Variants in AGMO observed in about 807,000 individuals in gnomAD.
The protein encoded by AGMO is glyceryl-ether monooxygenase.
In AGMO, 75 loss-of-function variants were observed where a neutral mutation model predicts 60.2. That is an observed-to-expected ratio of 1.25 (90% CI 1.03 to 1.51). AGMO has a LOEUF of 1.51. Ranked by LOEUF, AGMO falls within the 40% of genes most tolerant of loss-of-function variation. The pLI is 0.00. For missense variants in AGMO, 763 were observed against 525.5 expected (o/e 1.45, Z -4.42); for synonymous variants, 261 against 177.1 (o/e 1.47, Z -3.76).
rs546945094 is a variant in AGMO at position 15,451,185 on chromosome 7, G to A, written c.410-20077C>T. On this transcript the variant is annotated intron_variant, in intron 3 of 12. Coordinates refer to ENST00000342526, the MANE Select transcript of AGMO (RefSeq NM_001004320.2). ...GGAAGCAAACAATTTTATAGAGAGAGGTATATAGATACATATTTGTCAGTG... is the reference window on the plus strand; with the variant it reads ...GGAAGCAAACAATTTTATAGAGAGAAGTATATAGATACATATTTGTCAGTG... Among the ~76,000 whole-genome samples the A allele has an allele frequency of 1.2e-3, 182 of 152,016 alleles. 7 individuals carry two copies. The South Asian group carries it at 0.032, about 27-fold the overall frequency.
chr7:15,490,156 G>C (rs1412571244), intron 3 of AGMO, among the ~76,000 whole-genome samples: 2 of 152,104 alleles, frequency 1.3e-5, no homozygotes, highest in Non-Finnish European at 2.9e-5. Flanking sequence ...TGTGTTGTAA[G>C]CATTAAAGAT....
intron 5 of AGMO, among the ~76,000 whole-genome samples, chr7:15,415,623 C>A (rs895925531): frequency 6.6e-6 from 1 of 152,038 alleles, no homozygotes; most frequent in African/African-American, 2.4e-5. Context: ...CATTTCTCTA[C>A]TCAAGCATTA....
the AGMO span, among the ~76,000 whole-genome samples, chr7:15,153,954 T>C: frequency 1.3e-5 from 2 of 152,122 alleles, no homozygotes; most frequent in African/African-American, 4.8e-5. Context: ...ATTTTCACAA[T>C]ATTGATTCTA....
intron 12 of AGMO, among the ~76,000 whole-genome samples, chr7:15,306,873 C>T (rs1048911688): frequency 2.0e-5 from 3 of 151,836 alleles, no homozygotes; most frequent in African/African-American, 7.3e-5. Flanking sequence ...AAGTTATAAT[C>T]ATAACAGAGG....
At chr7:15,234,866 G>C (rs1782371016) in intron 12 of AGMO, among the ~76,000 whole-genome samples, 1 of 152,030 alleles carries the variant, frequency 6.6e-6, no homozygotes, top group South Asian at 2.1e-4. Flanking sequence ...TTCTTGGCTT[G>C]TGTGCAGTAC....
At chr7:15,335,954 A>G (rs1656216423) in intron 12 of AGMO, among the ~76,000 whole-genome samples, 2 of 152,258 alleles carry the variant, frequency 1.3e-5, no homozygotes, top group South Asian at 2.1e-4. Context: ...TAACTTTGTA[A>G]TATATCTCCA....
the AGMO span, among the ~76,000 whole-genome samples, chr7:15,149,039 T>C: frequency 6.6e-6 from 1 of 152,234 alleles, no homozygotes; most frequent in Non-Finnish European, 1.5e-5. Flanking sequence ...AGTATCTTAT[T>C]GTGATTTTGA....
chr7:15,531,476 CTCTATATATATTCTATATATAT>C (rs68035854), intron 3 of AGMO, among the ~76,000 whole-genome samples: 2 of 31,180 alleles, frequency 6.4e-5, no homozygotes. Context: ...TATATATATT[CTCTATATATATTCTATATATAT>C]TCTATATATA....
At chr7:15,314,416 T>C (rs1327265362) in intron 12 of AGMO, among the ~76,000 whole-genome samples, 1 of 152,138 alleles carries the variant, frequency 6.6e-6, no homozygotes, top group Non-Finnish European at 1.5e-5. Context: ...ATCCTTGGTA[T>C]ATATGTATGC....
chr7:15,353,795 C>G (rs527557798), intron 12 of AGMO, among the ~76,000 whole-genome samples: 1 of 152,142 alleles, frequency 6.6e-6, no homozygotes, highest in African/African-American at 2.4e-5. Flanking sequence ...TGTTGGATGC[C>G]TGTGTTGGTA....
At chr7:15,514,214 T>C (rs1256814281) in intron 3 of AGMO, among the ~76,000 whole-genome samples, 1 of 152,164 alleles carries the variant, frequency 6.6e-6, no homozygotes, top group East Asian at 1.9e-4. Flanking sequence ...AATCTACTTA[T>C]TGTGCTCTTT....
At chr7:15,452,005 T>C (rs903322427) in intron 3 of AGMO, among the ~76,000 whole-genome samples, 9 of 152,196 alleles carry the variant, frequency 5.9e-5, no homozygotes, top group African/African-American at 2.2e-4. Context: ...TACTCCTAAG[T>C]TAGGTTTTCA....
chr7:15,393,564 A>C (rs147840359), intron 6 of AGMO, among the ~76,000 whole-genome samples: 1 of 152,214 alleles, frequency 6.6e-6, no homozygotes, highest in Non-Finnish European at 1.5e-5. Flanking sequence ...TACACAATGT[A>C]AACATTTTTG....
At chr7:15,545,570 T>C (rs974737122) in intron 2 of AGMO, among the ~76,000 whole-genome samples, 1 of 152,058 alleles carries the variant, frequency 6.6e-6, no homozygotes, top group African/African-American at 2.4e-5. Flanking sequence ...ATAAGTAATA[T>C]AAACTAGGGT....
intron 12 of AGMO, among the ~76,000 whole-genome samples, chr7:15,275,117 G>T (rs764108335): frequency 6.6e-6 from 1 of 151,908 alleles, no homozygotes; most frequent in Admixed American, 6.6e-5. Context: ...TGATTTCACA[G>T]TTTCTGGAGG....
chr7:15,367,714 A>G (rs1783040709), intron 10 of AGMO, among the ~76,000 whole-genome samples: 1 of 152,096 alleles, frequency 6.6e-6, no homozygotes, highest in Non-Finnish European at 1.5e-5. Context: ...AAAGTATTGG[A>G]CACAGTTCCT....
intron 12 of AGMO, among the ~76,000 whole-genome samples, chr7:15,231,842 T>A (rs2094774546): frequency 6.6e-6 from 1 of 152,196 alleles, no homozygotes; most frequent in South Asian, 2.1e-4. Context: ...TGCAGCTTTG[T>A]GGCTCAGGTA....
chr7:15,390,460 TTTG>T (rs1195373522), intron 8 of AGMO, among the ~76,000 whole-genome samples: 1 of 152,212 alleles, frequency 6.6e-6, no homozygotes, highest in Non-Finnish European at 1.5e-5. Flanking sequence ...CATAGACATA[TTTG>T]AAAATTACTT....
chr7:15,464,651 G>A (rs1460353994), intron 3 of AGMO, among the ~76,000 whole-genome samples: 1 of 152,112 alleles, frequency 6.6e-6, no homozygotes, highest in Non-Finnish European at 1.5e-5. Context: ...AAAAATCTGA[G>A]GTGAGGTTAG....
Sources: gnomAD v4.1 joint callset for allele counts (sites outside exome capture counted in the v4.1 genomes callset) on GRCh38, gnomAD v4.1.1 for gene constraint, MANE v1.5 for transcripts, NCBI Gene and HGNC (gene_info 2026-07-23, HGNC 2026-07-21) for gene names.